The following SLC12A6 variants were observed in gnomAD, a reference collection of about 807,000 sequenced individuals.
SLC12A6 encodes solute carrier family 12 member 6.
A neutral mutation model predicts 135.3 loss-of-function variants in SLC12A6; 66 were observed. The ratio of observed to expected loss-of-function variants is 0.49; its 90% confidence interval spans 0.40 to 0.60. The LOEUF (loss-of-function observed/expected upper bound fraction) is 0.60. Ranked by LOEUF, SLC12A6 falls within the 20% of genes least tolerant of loss-of-function variation. SLC12A6 has a pLI of 0.00. For synonymous variants in SLC12A6, 513 were observed against 508.8 expected (o/e 1.01, Z -0.11); for missense variants, 1,058 against 1,452.3 (o/e 0.73, Z 4.41).
At chr15:34,294,762 C>A (rs1209992953) in intron 2 of SLC12A6, among the ~76,000 whole-genome samples, 1 of 152,034 alleles carries the variant, frequency 6.6e-6, no homozygotes, top group Non-Finnish European at 1.5e-5. Flanking sequence ...AAATATATCA[C>A]CCAGGCTGGT....
intron 2 of SLC12A6, chr15:34,318,844 G>A: frequency 2.7e-6 from 4 of 1,486,336 alleles, no homozygotes; most frequent in Non-Finnish European, 3.6e-6. Context: ...CTACAGCCCT[G>A]AGGGAGTGGG....
intron 6 of SLC12A6, among the ~76,000 whole-genome samples, 153 bp from the exon 7 acceptor site, chr15:34,256,436 T>C (rs1892756372): frequency 2.0e-5 from 3 of 152,220 alleles, no homozygotes; most frequent in South Asian, 4.1e-4. Flanking sequence ...TAAGATGATA[T>C]GGTCCAATTC....
chr15:34,281,041 G>A (rs1256273286), intron 2 of SLC12A6, among the ~76,000 whole-genome samples: 1 of 152,120 alleles, frequency 6.6e-6, no homozygotes, highest in Non-Finnish European at 1.5e-5. Context: ...AGAAGGGCAT[G>A]GGTATGGGCG....
chr15:34,321,204 C>T (rs1212339228), intron 2 of SLC12A6, among the ~76,000 whole-genome samples: 1 of 152,162 alleles, frequency 6.6e-6, no homozygotes, highest in African/African-American at 2.4e-5. Flanking sequence ...ATACACTCAC[C>T]TAAATTTTAT....
chr15:34,258,901 C>T lies in SLC12A6; in HGVS notation c.455G>A (p.Arg152His), dbSNP rs200361670. The change falls in exon 5 of 26, where the codon CGC becomes CAC. Residue 152 changes from arginine (R) to histidine (H), a missense_variant. Coordinates refer to ENST00000354181, the MANE Select transcript of SLC12A6 (RefSeq NM_001365088.1). The stretch of plus-strand genomic sequence containing the variant: ...AGTCAGATTAGTGTAATTGGCCATG[C>T]GGTTGAGGAGGGAAGACACCTTCGG... ...TRPKVSSLLN[R>H]MANYTNLTQG... 5.0e-5 allele frequency: 81 copies of T among 1,609,872 alleles called. No individual in the cohort carries two copies. Among genetic ancestry groups the T allele is most frequent in the Middle Eastern group, 3.3e-4 (2 of 6,052 alleles).
chr15:34,312,394 A>G (rs1218873272), intron 2 of SLC12A6, among the ~76,000 whole-genome samples: 3 of 152,316 alleles, frequency 2.0e-5, no homozygotes, highest in South Asian at 2.1e-4. Context: ...GTTGCTTATT[A>G]TGTGCCATAT....
intron 4 of SLC12A6, among the ~76,000 whole-genome samples, chr15:34,259,761 C>G (rs1211541654): frequency 6.6e-6 from 1 of 152,210 alleles, no homozygotes; most frequent in African/African-American, 2.4e-5. Flanking sequence ...CTTATGGAGC[C>G]TGGCCACAGA....
At chr15:34,328,934 A>T (rs1391423228) in intron 2 of SLC12A6, among the ~76,000 whole-genome samples, 2 of 152,216 alleles carry the variant, frequency 1.3e-5, no homozygotes, top group East Asian at 3.8e-4. Context: ...TGAAGCACTA[A>T]TTACAGGGTT....
chr15:34,290,402 C>T (rs1015663157), intron 2 of SLC12A6, among the ~76,000 whole-genome samples: 1 of 152,100 alleles, frequency 6.6e-6, no homozygotes, highest in Non-Finnish European at 1.5e-5. Flanking sequence ...CTTTCAATTA[C>T]GTGGTCAATT....
At chr15:34,290,107 G>A (rs574862814) in intron 2 of SLC12A6, among the ~76,000 whole-genome samples, 10 of 152,186 alleles carry the variant, frequency 6.6e-5, no homozygotes, top group African/African-American at 1.7e-4. Context: ...TTTCTCTTGC[G>A]GGCATTTAGT....
intron 2 of SLC12A6, among the ~76,000 whole-genome samples, chr15:34,296,674 T>C (rs1247604704): frequency 6.6e-6 from 1 of 152,216 alleles, no homozygotes; most frequent in African/African-American, 2.4e-5. Flanking sequence ...GCCATATCGA[T>C]GCGTTGCTAA....
chr15:34,270,717 C>T (rs948146226), intron 3 of SLC12A6, among the ~76,000 whole-genome samples: 2 of 151,804 alleles, frequency 1.3e-5, no homozygotes, highest in African/African-American at 4.8e-5. Flanking sequence ...GAAGGAGAAT[C>T]ACTTGAACCT....
intron 2 of SLC12A6, among the ~76,000 whole-genome samples, chr15:34,317,958 T>C (rs907811019): frequency 6.6e-6 from 1 of 152,194 alleles, no homozygotes; most frequent in Non-Finnish European, 1.5e-5. Flanking sequence ...CATCAAATAC[T>C]TTTTTTAACC....
rs755201886 is a variant in SLC12A6, at chr15:34,245,322, T to C, written c.1906A>G (p.Ile636Val). The C allele has an allele frequency of 8.1e-6, 13 of 1,611,154 alleles. No homozygotes were observed. The South Asian group carries it at 1.4e-4, about 18-fold the overall frequency. Residue 636 changes from isoleucine to valine, a missense_variant, in exon 15 of 26, where the codon ATT becomes GTT. Around this residue, in one of 6 missense-constraint regions of SLC12A6, gnomAD observed 170 missense variants for 297.6 expected, o/e 0.57. Coordinates refer to ENST00000354181, the MANE Select transcript of SLC12A6 (RefSeq NM_001365088.1). Reference sequence around the variant, plus strand: ...GGGGCCACAAGATCCAGGGAGGCAATGAGTATTCCAAGCTCTGCAATGGCA... The same window carrying C: ...GGGGCCACAAGATCCAGGGAGGCAACGAGTATTCCAAGCTCTGCAATGGCA... The part of the protein sequence containing the change: ...TAAIAELGIL[I>V]ASLDLVAPIL...
intron 2 of SLC12A6, among the ~76,000 whole-genome samples, chr15:34,317,387 G>A (rs1236044253): frequency 1.3e-5 from 2 of 152,178 alleles, no homozygotes; most frequent in African/African-American, 4.8e-5. Flanking sequence ...AGGAAAGTGA[G>A]AATCACAGAA....
intron 3 of SLC12A6, among the ~76,000 whole-genome samples, chr15:34,265,450 CA>C (rs1218272411): frequency 2.7e-5 from 4 of 148,330 alleles, no homozygotes; most frequent in Admixed American, 1.3e-4. Context: ...CAAAAAAACC[CA>C]AAAAGAATTT....
intron 3 of SLC12A6, among the ~76,000 whole-genome samples, chr15:34,274,548 C>T (rs958740615): frequency 2.6e-5 from 4 of 152,170 alleles, no homozygotes; most frequent in African/African-American, 9.7e-5. Context: ...GGTGCAGTGG[C>T]TCACACCTGT....
intron 2 of SLC12A6, among the ~76,000 whole-genome samples, chr15:34,285,165 A>G (rs1288467631): frequency 1.3e-5 from 2 of 152,240 alleles, no homozygotes; most frequent in African/African-American, 4.8e-5. Flanking sequence ...CAACAGCTAT[A>G]GTCTGGAATG....
At chr15:34,300,032 A>C (rs1896133473) in intron 2 of SLC12A6, among the ~76,000 whole-genome samples, 1 of 152,190 alleles carries the variant, frequency 6.6e-6, no homozygotes, top group Admixed American at 6.5e-5. Context: ...AATGAGCAAA[A>C]ATCGGCGAGA....
Sources: allele counts gnomAD v4.1 joint callset (sites outside exome capture counted in the v4.1 genomes callset), GRCh38; gene constraint gnomAD v4.1.1; regional missense constraint gnomAD v4.1.1; transcripts MANE v1.5; gene names NCBI Gene and HGNC (gene_info 2026-07-23, HGNC 2026-07-21).